The following MAGEA10 variants were observed in gnomAD, a reference collection of about 807,000 sequenced individuals.
MAGEA10 encodes the protein melanoma-associated antigen 10.
A neutral mutation model predicts 8.6 loss-of-function variants in MAGEA10; 7 were observed. That is an observed-to-expected ratio of 0.82 (90% CI 0.46 to 1.53). The LOEUF (loss-of-function observed/expected upper bound fraction) is 1.53, where lower values mean the gene tolerates loss of function less well. MAGEA10 is among the 40% of genes most tolerant of loss of function. The pLI, the probability that MAGEA10 is intolerant of heterozygous loss-of-function variation, is 0.01. For missense variants in MAGEA10, 293 were observed against 274.0 expected, an observed-to-expected ratio of 1.07 and a Z score of -0.49; for synonymous variants, 125 against 107.4, an observed-to-expected ratio of 1.16 and a Z score of -1.02.
chrX:152,134,919 G>C lies in MAGEA10; in HGVS notation c.702C>G (p.Val234=), dbSNP rs1393637563. 8.3e-7 allele frequency: 1 copy of C among 1,210,577 alleles called. No homozygotes were observed. The highest frequency in any genetic ancestry group is 3.0e-5 in the East Asian group (1 of 33,785). ...CAGGGGTGCAGTAGCCCTCTATGAA[G>C]ACTATGCTTAGGATAAGTATGAGAA... is the stretch of plus-strand genomic sequence containing the variant. The part of the protein sequence containing the change: ...TGILILILSI[V]FIEGYCTPEE... Residue 234 remains valine (V), a synonymous_variant, in exon 4 of 4, where the codon GTC becomes GTG. Coordinates refer to ENST00000370323, the MANE Select transcript of MAGEA10 (RefSeq NM_021048.5).
Position 152,133,326 on chromosome X carries a change from T to A in MAGEA10, c.*1185A>T, listed in dbSNP as rs1293943250. 8.9e-6 allele frequency: 1 copy of A among 111,949 alleles called. No homozygotes were observed. Among genetic ancestry groups the A allele is most frequent in the African/African-American group, 3.3e-5 (1 of 30,711 alleles). The allele number at this position is 111,949 out of a possible 1,213,427, so 9.2% of individuals were successfully genotyped here. A position where few individuals can be genotyped will look rare whatever the true frequency, so the allele number is the denominator to read the frequency against. On this transcript the variant is annotated 3_prime_UTR_variant, in exon 4 of 4. Coordinates refer to ENST00000370323, the MANE Select transcript of MAGEA10 (RefSeq NM_021048.5). Reference sequence around the variant, plus strand: ...GAGCAAAGGTTTCATTTATTACAGTTTAATTTCGACTTAACAAGATCCAGG... The same window carrying A: ...GAGCAAAGGTTTCATTTATTACAGTATAATTTCGACTTAACAAGATCCAGG...
In MAGEA10 at chrX:152,134,437, T is replaced by TA. The variant is rs1936618583; in HGVS notation, c.*73dup. ...TACCAACTTTTTTTTTTTTTTTTTT[T>TA]AGATTCCACATATGAGTAAAATCAT... On this transcript the variant is annotated 3_prime_UTR_variant, in exon 4 of 4. Transcript: ENST00000370323. 1 of 830,478 alleles carries TA rather than the reference T, an allele frequency of 1.2e-6. No homozygotes were observed. Among genetic ancestry groups the TA allele is most frequent in the Non-Finnish European group, 1.6e-6 (1 of 607,563 alleles). The allele number at this position is 830,478 out of a possible 1,213,427, so 68.4% of individuals were successfully genotyped here. A position where few individuals can be genotyped will look rare whatever the true frequency, so the allele number is the denominator to read the frequency against.
intron 2 of MAGEA10, among the ~76,000 whole-genome samples, 192 bp downstream of exon 2, chrX:152,136,679 C>A (rs1472545885): frequency 2.7e-5 from 3 of 111,424 alleles, no homozygotes; most frequent in Admixed American, 9.5e-5. Context: ...CCTCTGCTGA[C>A]CCGAGTGCAG....
intron 1 of MAGEA10, among the ~76,000 whole-genome samples, chrX:152,138,082 T>C (rs750422088): frequency 3.6e-5 from 4 of 110,413 alleles, no homozygotes; most frequent in Admixed American, 2.9e-4. Context: ...TCTGCTCCCC[T>C]GAAGCCGCAT....
intron 1 of MAGEA10, among the ~76,000 whole-genome samples, chrX:152,137,444 A>AGGGGGGGGGGGGGGGG (rs1603184059): frequency 8.7e-4 from 1 of 1,146 alleles, no homozygotes; most frequent in Non-Finnish European, 1.8e-3. Context: ...GGTGGTGGGC[A>AGGGGGGGGGGGGGGGG]GGGGAGGGGG....
chrX:152,134,353 GAACT>G lies in MAGEA10; in HGVS notation c.*154_*157del. On this transcript the variant is annotated 3_prime_UTR_variant, in exon 4 of 4. Transcript: ENST00000370323. ...CATCCTACTGTGCAATAGAACACTA[GAACT>G]TATTCCTCCTATTTAATTGTAATGT... 1 of 448,433 alleles carries G rather than the reference GAACT, an allele frequency of 2.2e-6. No homozygotes were observed. The highest frequency in any genetic ancestry group is 3.8e-6 in the Non-Finnish European group (1 of 266,395). The allele number at this position is 448,433 out of a possible 1,213,427, so 37.0% of individuals were successfully genotyped here. A position where few individuals can be genotyped will look rare whatever the true frequency, so the allele number is the denominator to read the frequency against.
rs1490196616 is a variant in MAGEA10 at position 152,134,657 on chromosome X, C to A, written c.964G>T (p.Asp322Tyr). ...TACCACAGTGGGAAGGATCTTGGAT[C>A]ACTCCCATTTACCTTGGCCAAAAAT... ...LKFLAKVNGS[D>Y]PRSFPLWYEE... The change falls in exon 4 of 4, where the codon GAT becomes TAT. Residue 322 changes from aspartate to tyrosine, a missense_variant. Coordinates refer to ENST00000370323, the MANE Select transcript of MAGEA10 (RefSeq NM_021048.5). 2 of 1,208,101 alleles carry A rather than the reference C, an allele frequency of 1.7e-6. No individual in the cohort carries two copies. Among genetic ancestry groups the A allele is most frequent in the Non-Finnish European group, 2.2e-6 (2 of 894,363 alleles).
At chrX:152,137,407 C>T (rs1936698315) in intron 1 of MAGEA10, among the ~76,000 whole-genome samples, 1 of 27,965 alleles carries the variant, frequency 3.6e-5, no homozygotes, top group Admixed American at 5.8e-4. Context: ...ACAGAAGGAG[C>T]AGACATTTGG....
In MAGEA10 at chrX:152,134,579, T is replaced by C. The variant is rs751679256; in HGVS notation, c.1042A>G (p.Thr348Ala). The C allele has an allele frequency of 1.9e-5, 23 of 1,204,623 alleles. No homozygotes were observed. The highest frequency in any genetic ancestry group is 2.6e-5 in the Non-Finnish European group (23 of 890,924). The part of the protein sequence containing the change: ...EERAQDRIAT[T>A]DDTTAMASAS... ...CTGGCCATGGCAGTAGTATCATCTG[T>C]GGTGGCAATTCTGTCCTGGGCTCTC... is the stretch of plus-strand genomic sequence containing the variant. Residue 348 changes from threonine (T) to alanine (A), a missense_variant, in exon 4 of 4, where the codon ACA (threonine) becomes GCA (alanine). Thr to Ala is a moderately conservative substitution (Grantham distance 58). Coordinates refer to ENST00000370323, the MANE Select transcript of MAGEA10 (RefSeq NM_021048.5).
Position 152,134,216 on chromosome X carries a change from CAGGT to C in MAGEA10, c.*291_*294del, listed in dbSNP as rs1405694433. 3 of 265,199 alleles carry C rather than the reference CAGGT, an allele frequency of 1.1e-5. No individual in the cohort carries two copies. The highest frequency in any genetic ancestry group is 2.0e-5 in the Non-Finnish European group (3 of 150,900). 21.9% of individuals were successfully genotyped at this position (265,199 alleles called of 1,213,427 possible). A position where few individuals can be genotyped will look rare whatever the true frequency, so the allele number is the denominator to read the frequency against. On this transcript the variant is annotated 3_prime_UTR_variant, in exon 4 of 4. Coordinates refer to ENST00000370323, the MANE Select transcript of MAGEA10 (RefSeq NM_021048.5). ...TGTATATGTAGTATAATGATCAAATCAGGTAGTGTATCCATCACCTCATGCATTT... is the reference window on the plus strand; with the variant it reads ...TGTATATGTAGTATAATGATCAAATCAGTGTATCCATCACCTCATGCATTT...
Position 152,135,798 on chromosome X carries a change from A to G in MAGEA10, c.-103T>C, listed in dbSNP as rs990544486. ...TCAGTGCTGCTCTGTGGTGTCCCAC[A>G]GCTCTTGACCTCTTGCTCTCCCTGT... On this transcript the variant is annotated 5_prime_UTR_variant, in exon 3 of 4. Transcript: ENST00000370323. The G allele has an allele frequency of 2.8e-6, 1 of 357,705 alleles. No homozygotes were observed. Among genetic ancestry groups the G allele is most frequent in the Non-Finnish European group, 5.0e-6 (1 of 200,611 alleles). 29.5% of individuals were successfully genotyped at this position (357,705 alleles called of 1,213,427 possible).
At position 152,138,544 on chromosome X, in the gene MAGEA10, C is replaced by G. The variant is rs1318398436; in HGVS notation, c.-308G>C. ...CAAGCCTGTCCCTCAGAACGAGAAC[C>G]TCGCTTCTCTCTGATCCCCGAGGCG... On this transcript the variant is annotated 5_prime_UTR_variant, in exon 1 of 4. Coordinates refer to ENST00000370323, the MANE Select transcript of MAGEA10 (RefSeq NM_021048.5). 9.4e-6 allele frequency: 1 copy of G among 106,674 alleles called. No homozygotes were observed. The highest frequency in any genetic ancestry group is 3.0e-4 in the East Asian group (1 of 3,374). 8.8% of individuals were successfully genotyped at this position (106,674 alleles called of 1,213,427 possible).
rs762652265 is a variant in MAGEA10 at position 152,133,333 on chromosome X, C to T, written c.*1178G>A. 3 of 111,371 alleles carry T rather than the reference C, an allele frequency of 2.7e-5. No individual in the cohort carries two copies. Among genetic ancestry groups the T allele is most frequent in the African/African-American group, 6.5e-5 (2 of 30,554 alleles). 9.2% of individuals were successfully genotyped at this position (111,371 alleles called of 1,213,427 possible). ...GGTTTCATTTATTACAGTTTAATTT[C>T]GACTTAACAAGATCCAGGGATATAA... On this transcript the variant is annotated 3_prime_UTR_variant, in exon 4 of 4. Transcript: ENST00000370323.
intron 2 of MAGEA10, chrX:152,136,217 G>T (rs1254720803): frequency 9.0e-6 from 1 of 111,252 alleles, no homozygotes; most frequent in African/African-American, 3.3e-5. Context: ...CTCACGTGGG[G>T]CTCTCACCTT....
intron 1 of MAGEA10, 70 bp from the exon 2 acceptor site, chrX:152,137,039 T>A (rs1371335143): frequency 9.1e-6 from 1 of 110,372 alleles, no homozygotes; most frequent in East Asian, 2.9e-4. Context: ...AGGGCTGATA[T>A]CTCCCCTTTA....
Position 152,133,383 on chromosome X carries a change from CTAAAAATAA to C in MAGEA10, c.*1119_*1127del, listed in dbSNP as rs1936595196. 1 of 111,894 alleles carries C rather than the reference CTAAAAATAA, an allele frequency of 8.9e-6. No individual in the cohort carries two copies. The highest frequency in any genetic ancestry group is 9.5e-5 in the Admixed American group (1 of 10,547). 9.2% of individuals were successfully genotyped at this position (111,894 alleles called of 1,213,427 possible). ...ACTTTTAATTTTGCAGGATGATAAACTAAAAATAATAAAGAAATAAAAATACTAACACTT... is the reference window on the plus strand; with the variant it reads ...ACTTTTAATTTTGCAGGATGATAAACTAAAGAAATAAAAATACTAACACTT... On this transcript the variant is annotated 3_prime_UTR_variant, in exon 4 of 4. Coordinates refer to ENST00000370323, the MANE Select transcript of MAGEA10 (RefSeq NM_021048.5).
chrX:152,135,448 G>A lies in MAGEA10; in HGVS notation c.173C>T (p.Ser58Phe), dbSNP rs766302328. ...TAGAGGATAGCAGGAGGAGGAGGAG[G>A]AAGAGGAGGAGGAGGGAAAAGAGGA... ...FPSSFPSSSS[S>F]SSSSCYPLIP... is the part of the protein sequence containing the mutation. The change falls in exon 4 of 4, where the codon TCC becomes TTC. Residue 58 changes from serine (S) to phenylalanine (F), a missense_variant. Transcript: ENST00000370323. 1.7e-6 allele frequency: 2 copies of A among 1,196,705 alleles called. No homozygotes were observed. The highest frequency in any genetic ancestry group is 5.9e-5 in the East Asian group (2 of 33,726).
At chrX:152,136,329 C>A (rs1936674206) in intron 2 of MAGEA10, among the ~76,000 whole-genome samples, 1 of 111,828 alleles carries the variant, frequency 8.9e-6, no homozygotes, top group Non-Finnish European at 1.9e-5. Context: ...AGGGGACCCA[C>A]ATCTGGCCAC....
In MAGEA10 at chrX:152,134,521, T is replaced by G. The variant is rs780333247; in HGVS notation, c.1100A>C (p.Tyr367Ser). 8.3e-7 allele frequency: 1 copy of G among 1,203,435 alleles called. No homozygotes were observed. The highest frequency in any genetic ancestry group is 1.8e-5 in the African/African-American group (1 of 56,219). The change falls in exon 4 of 4, where the codon TAC becomes TCC. Residue 367 changes from tyrosine (Y) to serine (S), a missense_variant. By Grantham distance (144) the Tyr-to-Ser change is moderately radical. Coordinates refer to ENST00000370323, the MANE Select transcript of MAGEA10 (RefSeq NM_021048.5). Reference protein sequence around the residue: ...ASSSATGSFSYPE With the variant: ...ASSSATGSFSSPE The stretch of plus-strand genomic sequence containing the variant: ...AGAATCTGTCTTACTTTATTCAGGG[T>G]AGGAGAAGCTACCTGTAGCGCTAGA...
Sources: gnomAD v4.1 joint callset for allele counts (sites outside exome capture counted in the v4.1 genomes callset) on GRCh38, gnomAD v4.1.1 for gene constraint, MANE v1.5 for transcripts, NCBI Gene and HGNC (gene_info 2026-07-23, HGNC 2026-07-21) for gene names.